The following MACROD2 variants were observed in gnomAD, a reference collection of about 807,000 sequenced individuals.
The protein encoded by MACROD2 is mono-ADP ribosylhydrolase 2.
A neutral mutation model predicts 70.4 loss-of-function variants in MACROD2; 36 were observed. The observed-to-expected ratio is 0.51, with a 90% CI of 0.39 to 0.68. The LOEUF (loss-of-function observed/expected upper bound fraction) is 0.68. Ranked by LOEUF, MACROD2 falls within the 30% of genes least tolerant of loss-of-function variation. The pLI is 0.00. For missense variants in MACROD2, 496 were observed against 538.4 expected, an observed-to-expected ratio of 0.92 and a Z score of 0.78; for synonymous variants, 172 against 178.8, an observed-to-expected ratio of 0.96 and a Z score of 0.30.
chr20:15,832,568 AAG>A (rs1193454680), intron 8 of MACROD2, among the ~76,000 whole-genome samples: 4 of 152,224 alleles, frequency 2.6e-5, no homozygotes, highest in Non-Finnish European at 5.9e-5. Flanking sequence ...CTGAAACAGA[AAG>A]AGAGAGGAAA....
At chr20:14,893,273 C>T (rs768877607) in intron 5 of MACROD2, 1 of 152,134 alleles carries the variant, frequency 6.6e-6, no homozygotes, top group East Asian at 1.9e-4. Context: ...GTGCAGATAT[C>T]TCTTGGAGAC....
chr20:15,406,487 T>G (rs1176059044), intron 6 of MACROD2, among the ~76,000 whole-genome samples: 1 of 152,178 alleles, frequency 6.6e-6, no homozygotes, highest in East Asian at 1.9e-4. Flanking sequence ...TTTATTAGAG[T>G]CCTTGGGGAA....
intron 8 of MACROD2, among the ~76,000 whole-genome samples, chr20:15,797,496 A>G (rs2063685546): frequency 6.6e-6 from 1 of 151,660 alleles, no homozygotes; most frequent in African/African-American, 2.4e-5. Flanking sequence ...ATCACAAGCC[A>G]AAAAGAGCTC....
chr20:14,307,046 C>CACACAG (rs1491047079), intron 3 of MACROD2, among the ~76,000 whole-genome samples: 3 of 140,194 alleles, frequency 2.1e-5, no homozygotes, highest in African/African-American at 7.9e-5. Flanking sequence ...CACACACACA[C>CACACAG]AATTGACTGT....
intron 5 of MACROD2, among the ~76,000 whole-genome samples, chr20:14,854,437 A>G (rs1216050173): frequency 6.6e-6 from 1 of 152,142 alleles, no homozygotes; most frequent in South Asian, 2.1e-4. Flanking sequence ...ACTGGTAACT[A>G]ATAGACCTGG....
chr20:14,865,946 A>G (rs1320730129), intron 5 of MACROD2, among the ~76,000 whole-genome samples: 1 of 152,084 alleles, frequency 6.6e-6, no homozygotes, highest in East Asian at 1.9e-4. Flanking sequence ...GGCAGCCATA[A>G]TTTTCTCTTT....
At chr20:15,423,585 T>G (rs2146344455) in intron 6 of MACROD2, among the ~76,000 whole-genome samples, 1 of 151,704 alleles carries the variant, frequency 6.6e-6, no homozygotes, top group South Asian at 2.1e-4. Context: ...CTTTTCTTGG[T>G]GTGTAGACTG....
At chr20:14,529,433 T>C (rs530366818) in intron 4 of MACROD2, among the ~76,000 whole-genome samples, 8 of 152,348 alleles carry the variant, frequency 5.3e-5, no homozygotes, top group African/African-American at 1.4e-4. Context: ...ACTCCTAGAC[T>C]ACCTCATTAC....
chr20:15,957,540 C>T (rs959226515), intron 12 of MACROD2, among the ~76,000 whole-genome samples: 3 of 152,126 alleles, frequency 2.0e-5, no homozygotes, highest in African/African-American at 7.2e-5. Flanking sequence ...CCTCTTGGTC[C>T]CTGCTCAATG....
intron 3 of MACROD2, among the ~76,000 whole-genome samples, chr20:14,352,788 T>C (rs1221477757): frequency 6.6e-6 from 1 of 152,160 alleles, no homozygotes; most frequent in Non-Finnish European, 1.5e-5. Context: ...TCCATTTTTT[T>C]TTTTAGTAGA....
chr20:14,984,173 C>T (rs1376870695), intron 5 of MACROD2, among the ~76,000 whole-genome samples: 2 of 152,176 alleles, frequency 1.3e-5, no homozygotes, highest in Non-Finnish European at 1.5e-5. Context: ...TTTGATTTTA[C>T]TCCTTTCAGC....
At chr20:14,410,823 C>G (rs375984498) in intron 3 of MACROD2, among the ~76,000 whole-genome samples, 52 of 152,294 alleles carry the variant, frequency 3.4e-4, no homozygotes, top group African/African-American at 1.2e-3. Flanking sequence ...TATCAATGCT[C>G]TCTGGCATCA....
At chr20:15,214,335 T>C (rs1416807562) in intron 5 of MACROD2, among the ~76,000 whole-genome samples, 3 of 152,098 alleles carry the variant, frequency 2.0e-5, no homozygotes, top group South Asian at 2.1e-4. Context: ...GAATATTCCA[T>C]GGACTCTAAG....
chr20:14,853,598 G>T (rs150073070), intron 5 of MACROD2, among the ~76,000 whole-genome samples: 2 of 152,040 alleles, frequency 1.3e-5, no homozygotes, highest in African/African-American at 4.8e-5. Flanking sequence ...GTCACCTTTC[G>T]GTTTCAGTTT....
chr20:15,118,912 T>G (rs746165789), intron 5 of MACROD2, among the ~76,000 whole-genome samples: 1 of 152,216 alleles, frequency 6.6e-6, no homozygotes, highest in Non-Finnish European at 1.5e-5. Flanking sequence ...GCACAGATTA[T>G]TTTTTATTTG....
At chr20:14,736,867 C>G (rs558997089) in intron 5 of MACROD2, among the ~76,000 whole-genome samples, 2 of 152,166 alleles carry the variant, frequency 1.3e-5, no homozygotes, top group Non-Finnish European at 1.5e-5. Flanking sequence ...AAAATGGAAA[C>G]AAATAGATAC....
chr20:15,146,901 G>A (rs1377853686), intron 5 of MACROD2, among the ~76,000 whole-genome samples: 17 of 152,120 alleles, frequency 1.1e-4, no homozygotes, highest in Admixed American at 1.1e-3. Context: ...TTCTGGTTTT[G>A]TCATCATGAT....
chr20:15,712,315 T>C (rs1243961683), intron 8 of MACROD2, among the ~76,000 whole-genome samples: 1 of 152,236 alleles, frequency 6.6e-6, no homozygotes, highest in South Asian at 2.1e-4. Context: ...CAAAAACAGA[T>C]GGTGAACTGG....
intron 5 of MACROD2, among the ~76,000 whole-genome samples, chr20:14,752,649 C>T (rs1181245044): frequency 5.3e-5 from 8 of 152,074 alleles, no homozygotes; most frequent in Admixed American, 2.0e-4. Context: ...TAAAATACTT[C>T]GAGGACTTTC....
Sources: allele counts gnomAD v4.1 joint callset (sites outside exome capture counted in the v4.1 genomes callset), GRCh38; gene constraint gnomAD v4.1.1; transcripts MANE v1.5; gene names NCBI Gene and HGNC (gene_info 2026-07-23, HGNC 2026-07-21).